Variants in SEMA6D observed in about 807,000 individuals in gnomAD.
SEMA6D encodes the protein semaphorin 6D, also known as semaphorin-6D.
SEMA6D carries 35 observed loss-of-function variants against 106.6 expected under a neutral mutation model. The observed-to-expected ratio is 0.33, with a 90% CI of 0.25 to 0.44. The LOEUF is 0.44. SEMA6D is among the 20% of genes least tolerant of loss of function. SEMA6D has a pLI of 1.00. For synonymous variants in SEMA6D, 499 were observed against 487.7 expected, an observed-to-expected ratio of 1.02 and a Z score of -0.31; for missense variants, 1,185 against 1,345.9, an observed-to-expected ratio of 0.88 and a Z score of 1.87.
intron 4 of SEMA6D, among the ~76,000 whole-genome samples, chr15:47,611,396 G>T (rs953406519): frequency 7.2e-5 from 11 of 151,964 alleles, no homozygotes; most frequent in African/African-American, 2.7e-4. Flanking sequence ...TTTAAAAATG[G>T]GAAAATAGTC....
At chr15:47,294,408 G>C (rs528560195) in intron 1 of SEMA6D, among the ~76,000 whole-genome samples, 71 of 152,170 alleles carry the variant, frequency 4.7e-4, no homozygotes, top group Middle Eastern at 3.4e-3. Context: ...ATTTTTAGCA[G>C]AGACAGGATT....
chr15:47,425,010 C>G (rs2041284736), intron 2 of SEMA6D, among the ~76,000 whole-genome samples: 1 of 152,064 alleles, frequency 6.6e-6, no homozygotes, highest in African/African-American at 2.4e-5. Context: ...CCTCTGAGCT[C>G]TGGAGGTGAT....
chr15:47,669,066 C>G (rs1463328172), intron 4 of SEMA6D, among the ~76,000 whole-genome samples: 1 of 152,108 alleles, frequency 6.6e-6, no homozygotes, highest in Non-Finnish European at 1.5e-5. Context: ...TTTTCTATCT[C>G]TCTTTTTTTT....
intron 4 of SEMA6D, among the ~76,000 whole-genome samples, chr15:47,635,275 C>T (rs2077366255): frequency 6.6e-6 from 1 of 152,128 alleles, no homozygotes; most frequent in Non-Finnish European, 1.5e-5. Flanking sequence ...ACAAGATAGA[C>T]AGTTTGGGAT....
chr15:47,447,948 C>G (rs534841277), intron 2 of SEMA6D, among the ~76,000 whole-genome samples: 1 of 152,226 alleles, frequency 6.6e-6, no homozygotes, highest in Non-Finnish European at 1.5e-5. Context: ...GTGGGAAAAC[C>G]CTTACACATT....
intron 4 of SEMA6D, among the ~76,000 whole-genome samples, chr15:47,611,061 A>T (rs1226112716): frequency 6.6e-6 from 1 of 152,100 alleles, no homozygotes; most frequent in African/African-American, 2.4e-5. Flanking sequence ...AGAACATATG[A>T]AATCCCAGCC....
At chr15:47,638,927 G>T (rs186268819) in intron 4 of SEMA6D, among the ~76,000 whole-genome samples, 2 of 152,180 alleles carry the variant, frequency 1.3e-5, no homozygotes, top group African/African-American at 4.8e-5. Flanking sequence ...CAGGAAAAAG[G>T]CTGGTCCCCA....
intron 2 of SEMA6D, among the ~76,000 whole-genome samples, chr15:47,463,674 A>G (rs1333637245): frequency 6.6e-6 from 1 of 152,174 alleles, no homozygotes; most frequent in Non-Finnish European, 1.5e-5. Context: ...TTTGTAGTTT[A>G]CTGTGCGACT....
At chr15:47,585,729 C>A (rs1365151342) in intron 3 of SEMA6D, among the ~76,000 whole-genome samples, 1 of 151,810 alleles carries the variant, frequency 6.6e-6, no homozygotes, top group Non-Finnish European at 1.5e-5. Flanking sequence ...CCATCATTTA[C>A]TATGTGCTAT....
At chr15:47,565,776 A>G (rs568693064) in intron 3 of SEMA6D, among the ~76,000 whole-genome samples, 21 of 152,306 alleles carry the variant, frequency 1.4e-4, no homozygotes, top group African/African-American at 5.1e-4. Flanking sequence ...GAAAAGTAGA[A>G]TTGGAAATGC....
chr15:47,306,900 A>G (rs1269331554), intron 1 of SEMA6D, among the ~76,000 whole-genome samples: 1 of 152,236 alleles, frequency 6.6e-6, no homozygotes, highest in Non-Finnish European at 1.5e-5. Context: ...TTCATTTTGA[A>G]AAATGATGTT....
chr15:47,286,878 G>T (rs1402795681), intron 1 of SEMA6D, among the ~76,000 whole-genome samples: 1 of 152,076 alleles, frequency 6.6e-6, no homozygotes, highest in Non-Finnish European at 1.5e-5. Flanking sequence ...TCTTCTGCAT[G>T]AACCAATGTG....
intron 1 of SEMA6D, among the ~76,000 whole-genome samples, chr15:47,385,471 TTTTA>T (rs956861450): frequency 6.6e-6 from 1 of 152,136 alleles, no homozygotes; most frequent in Non-Finnish European, 1.5e-5. Context: ...TTTCTTTTTG[TTTTA>T]ACAGAGAAAA....
Position 47,494,768 on chromosome 15 carries a change from ATATATATATATATATATATAT to A in SEMA6D, c.-87+24224_-87+24244del, listed in dbSNP as rs1438827667. On this transcript the variant is annotated intron_variant, in intron 3 of 19. Coordinates refer to the SEMA6D transcript ENST00000558014. ...TATATATATATATATATATATATAT[ATATATATATATATATATATAT>A]AATCTCCAGATACACACACACACAC... is the stretch of plus-strand genomic sequence containing the variant. Among the ~76,000 whole-genome samples, 117 of 95,986 alleles carry A rather than the reference ATATATATATATATATATATAT, an allele frequency of 1.2e-3. 1 individual carries two copies. The highest frequency in any genetic ancestry group is 5.0e-3 in the African/African-American group (113 of 22,518). 63.0% of individuals were successfully genotyped at this position (95,986 alleles called of 152,430 possible).
Position 47,770,756 on chromosome 15 carries a change from T to A in SEMA6D, c.2193T>A (p.Asn731Lys), listed in dbSNP as rs748426655. The change falls in exon 19 of 19, where the codon AAT becomes AAA. Residue 731 changes from asparagine to lysine, a missense_variant. This residue lies in a region of SEMA6D where 750 missense variants were observed against 783.5 expected (regional missense o/e 0.96). Coordinates refer to ENST00000536845, the MANE Select transcript of SEMA6D (RefSeq NM_001358351.3). Reference sequence around the variant, plus strand: ...GCCCTGTCAAGGAATACCAACAGAATATTGATTCTCCTAAACTGTATAGTA... The same window carrying A: ...GCCCTGTCAAGGAATACCAACAGAAAATTGATTCTCCTAAACTGTATAGTA... The part of the protein sequence containing the change: ...FDSPVKEYQQ[N>K]IDSPKLYSNL... The A allele has an allele frequency of 6.2e-7, 1 of 1,614,080 alleles. No homozygotes were observed. The highest frequency in any genetic ancestry group is 8.5e-7 in the Non-Finnish European group (1 of 1,179,990).
chr15:47,637,033 A>T (rs1026102612), intron 4 of SEMA6D, among the ~76,000 whole-genome samples: 2 of 152,132 alleles, frequency 1.3e-5, no homozygotes, highest in African/African-American at 4.8e-5. Context: ...GATGCTGATG[A>T]AAAAAAGGCA....
chr15:47,304,433 T>TAAAAAAAAAAAAAAAA (rs56185341), intron 1 of SEMA6D, among the ~76,000 whole-genome samples: 2 of 93,840 alleles, frequency 2.1e-5, no homozygotes, highest in African/African-American at 1.2e-4. Flanking sequence ...GCCTTCTAAC[T>TAAAAAAAAAAAAAAAA]AAAAAAAAAA....
intron 1 of SEMA6D, among the ~76,000 whole-genome samples, chr15:47,336,666 A>G (rs1417151769): frequency 1.3e-5 from 2 of 152,168 alleles, no homozygotes; most frequent in Non-Finnish European, 2.9e-5. Flanking sequence ...TACAATGGAA[A>G]TGGTTTATAC....
At chr15:47,592,514 T>C (rs2076457660) in intron 3 of SEMA6D, among the ~76,000 whole-genome samples, 1 of 152,172 alleles carries the variant, frequency 6.6e-6, no homozygotes, top group South Asian at 2.1e-4. Context: ...ATTTCAGTTG[T>C]GTTGAGTGTG....
Sources: allele counts gnomAD v4.1 joint callset (sites outside exome capture counted in the v4.1 genomes callset), GRCh38; gene constraint gnomAD v4.1.1; regional missense constraint gnomAD v4.1.1; transcripts MANE v1.5; gene names NCBI Gene and HGNC (gene_info 2026-07-23, HGNC 2026-07-21).